MTFR1: variants seen among roughly 807,000 people sequenced by gnomAD.
MTFR1 encodes the protein mitochondrial fission regulator 1.
MTFR1 carries 28 observed loss-of-function variants against 38.8 expected under a neutral mutation model. The ratio of observed to expected loss-of-function variants is 0.72; its 90% CI spans 0.53 to 0.99. The LOEUF (loss-of-function observed/expected upper bound fraction) is 0.99, where lower values mean the gene tolerates loss of function less well. Ranked by LOEUF, MTFR1 falls within the 50% of genes least tolerant of loss-of-function variation. The pLI, the probability that MTFR1 is intolerant of heterozygous loss-of-function variation, is 0.00. For missense variants in MTFR1, 358 were observed against 395.5 expected (o/e 0.91, Z 0.81); for synonymous variants, 145 against 137.0 (o/e 1.06, Z -0.41).
chr8:65,719,368 T>G (rs200857308), intron 2 of MTFR1: 2 of 1,613,994 alleles, frequency 1.2e-6, no homozygotes, highest in Non-Finnish European at 1.7e-6. Context: ...TGCTCGACTG[T>G]TCTCTCTGCA....
intron 3 of MTFR1, among the ~76,000 whole-genome samples, chr8:65,738,508 A>G (rs972945558): frequency 2.0e-5 from 3 of 152,198 alleles, no homozygotes; most frequent in Non-Finnish European, 2.9e-5. Context: ...ACTGGTGCCT[A>G]TTACAAGAAG....
chr8:65,762,627 T>C (rs567454379), intron 3 of MTFR1, among the ~76,000 whole-genome samples: 2 of 152,230 alleles, frequency 1.3e-5, no homozygotes, highest in South Asian at 2.1e-4. Context: ...CAGTATGTCT[T>C]TGCACATTTT....
intron 1 of MTFR1, among the ~76,000 whole-genome samples, chr8:65,655,969 C>CATA: frequency 3.4e-4 from 19 of 56,460 alleles, no homozygotes; most frequent in African/African-American, 1.2e-3. Context: ...TATATATATA[C>CATA]CATATATATA....
chr8:65,697,974 G>A (rs1805492617), intron 4 of MTFR1, among the ~76,000 whole-genome samples: 1 of 151,908 alleles, frequency 6.6e-6, no homozygotes, highest in Admixed American at 6.6e-5. Flanking sequence ...ATTTAATGGG[G>A]TCTTTCATGG....
chr8:65,756,885 T>C (rs1235105960), intron 3 of MTFR1, among the ~76,000 whole-genome samples: 1 of 152,148 alleles, frequency 6.6e-6, no homozygotes, highest in Non-Finnish European at 1.5e-5. Context: ...ATTTTACTCC[T>C]CCAGGATTGT....
At chr8:65,647,344 CT>C (rs1297618150) in intron 1 of MTFR1, among the ~76,000 whole-genome samples, 1 of 152,144 alleles carries the variant, frequency 6.6e-6, no homozygotes, top group African/African-American at 2.4e-5. Context: ...TGGAGTTTTA[CT>C]CTTGTTGCCC....
downstream of MTFR1, among the ~76,000 whole-genome samples, chr8:65,713,874 G>C (rs752928064): frequency 6.6e-6 from 1 of 151,942 alleles, no homozygotes; most frequent in Non-Finnish European, 1.5e-5. Flanking sequence ...TTTTAGTAGA[G>C]ATGGGGTTTC....
intron 3 of MTFR1, among the ~76,000 whole-genome samples, chr8:65,754,558 G>T (rs538213144): frequency 1.3e-5 from 2 of 150,492 alleles, no homozygotes; most frequent in Admixed American, 6.6e-5. Context: ...GGCTGGTCTC[G>T]AACTCCTGAC....
chr8:65,690,460 C>T (rs759608825), intron 3 of MTFR1, among the ~76,000 whole-genome samples: 21 of 152,044 alleles, frequency 1.4e-4, no homozygotes, highest in Admixed American at 3.3e-4. Flanking sequence ...ACTTGGGAGG[C>T]GGGAGGTTGC....
At chr8:65,728,667 C>T (rs1300900482) in intron 3 of MTFR1, 1 of 120,612 alleles carries the variant, frequency 8.3e-6, no homozygotes, top group African/African-American at 2.6e-5. Flanking sequence ...AAAGCAATCT[C>T]CCCTCCTTGA....
At chr8:65,731,128 T>C (rs189223310) in intron 3 of MTFR1, among the ~76,000 whole-genome samples, 67 of 152,322 alleles carry the variant, frequency 4.4e-4, no homozygotes, top group African/African-American at 1.5e-3. Context: ...GACATTCCTG[T>C]GGTTTCCATG....
At position 65,647,348 on chromosome 8, in the gene MTFR1, T is replaced by C. The variant is rs1007161786; in HGVS notation, c.-81+2564T>C. ...TTTTTTTGAGATGGAGTTTTACTCT[T>C]GTTGCCCAGGATGCAGTGCAGTGGT... On this transcript the variant is annotated intron_variant, in intron 1 of 7. Transcript: ENST00000262146. Among the ~76,000 whole-genome samples the C allele has an allele frequency of 5.3e-5, 8 of 152,336 alleles. No individual in the cohort carries two copies. In the South Asian group the frequency reaches 6.2e-4, roughly 12 times the overall value.
intron 4 of MTFR1, among the ~76,000 whole-genome samples, chr8:65,701,847 G>T (rs933113994): frequency 6.6e-6 from 1 of 152,156 alleles, no homozygotes; most frequent in African/African-American, 2.4e-5. Flanking sequence ...GCTCCACAGT[G>T]CCAGAGGTGC....
Position 65,707,081 on chromosome 8 carries a change from C to T in MTFR1, c.589C>T (p.Pro197Ser), listed in dbSNP as rs773936668. ...ACCTCCCCCACCGCCCCTGCCTCCC[C>T]CTGCACTGGGGCTCCACCAAAGTAC... ...PPPPPPPLPP[P>S]ALGLHQSTSA... Residue 197 changes from proline (P) to serine (S), a missense_variant, in exon 6 of 8, where the codon CCT becomes TCT. Physicochemically the swap from Pro to Ser is moderately conservative, Grantham distance 74. Transcript: ENST00000262146. 2 of 1,613,478 alleles carry T rather than the reference C, an allele frequency of 1.2e-6. No individual in the cohort carries two copies. The highest frequency in any genetic ancestry group is 2.2e-5 in the East Asian group (1 of 44,852).
At chr8:65,770,938 C>A in intron 3 of MTFR1, 1 of 227,134 alleles carries the variant, frequency 4.4e-6, no homozygotes, top group Non-Finnish European at 9.1e-6. Context: ...CCTCTTCATA[C>A]CCTTTCAGAA....
At chr8:65,714,290 T>C (rs1806044969), downstream of MTFR1, 1 of 151,580 alleles carries the variant, frequency 6.6e-6, no homozygotes, top group Non-Finnish European at 1.5e-5. Context: ...TATAATCTCT[T>C]AGTAATAAAT....
intron 1 of MTFR1, among the ~76,000 whole-genome samples, chr8:65,651,766 G>A (rs913558006): frequency 6.6e-6 from 1 of 151,362 alleles, no homozygotes; most frequent in African/African-American, 2.4e-5. Flanking sequence ...GGCTATCCTG[G>A]GTCTTTTGTG....
At chr8:65,663,734 A>T (rs1804281266) in intron 1 of MTFR1, among the ~76,000 whole-genome samples, 1 of 151,368 alleles carries the variant, frequency 6.6e-6, no homozygotes, top group South Asian at 2.1e-4. Flanking sequence ...TACCTTGGGA[A>T]ATGTTAGGCA....
At chr8:65,649,161 G>A (rs1392431629) in intron 1 of MTFR1, among the ~76,000 whole-genome samples, 1 of 151,990 alleles carries the variant, frequency 6.6e-6, no homozygotes, top group Non-Finnish European at 1.5e-5. Context: ...TAGGTTATAT[G>A]GAAATACTGT....
Sources: gnomAD v4.1 joint callset for allele counts (sites outside exome capture counted in the v4.1 genomes callset) on GRCh38, gnomAD v4.1.1 for gene constraint, MANE v1.5 for transcripts, NCBI Gene and HGNC (gene_info 2026-07-23, HGNC 2026-07-21) for gene names.